KCNIP1: variants seen among roughly 807,000 people sequenced by gnomAD.
KCNIP1 encodes A-type potassium channel modulatory protein KCNIP1.
KCNIP1 carries 18 observed loss-of-function variants against 33.0 expected under a neutral mutation model. The observed-to-expected ratio is 0.55, with a 90% CI of 0.38 to 0.81. The LOEUF (loss-of-function observed/expected upper bound fraction) is 0.81, where lower values mean the gene tolerates loss of function less well. Ranked by LOEUF, KCNIP1 falls within the 30% of genes least tolerant of loss-of-function variation. The probability of loss-of-function intolerance (pLI) is 0.00; values close to 1 mark genes in which losing one functional copy is unlikely to be tolerated. For synonymous variants in KCNIP1, 93 were observed against 98.3 expected (o/e 0.95, Z 0.32); for missense variants, 238 against 271.6 (o/e 0.88, Z 0.87).
intron 1 of KCNIP1, among the ~76,000 whole-genome samples, chr5:170,622,117 G>A (rs894959744): frequency 1.6e-4 from 24 of 152,150 alleles, no homozygotes; most frequent in African/African-American, 5.1e-4. Context: ...TGCTTTGCAC[G>A]GTCCCTGGAG....
intron 1 of KCNIP1, among the ~76,000 whole-genome samples, chr5:170,639,921 A>C (rs868179803): frequency 2.6e-5 from 4 of 152,254 alleles, no homozygotes; most frequent in African/African-American, 9.6e-5. Flanking sequence ...AGTGGTGCCT[A>C]AAGGGCTGGT....
chr5:170,526,889 AT>A (rs1755595704), intron 1 of KCNIP1, among the ~76,000 whole-genome samples: 1 of 151,730 alleles, frequency 6.6e-6, no homozygotes, highest in South Asian at 2.1e-4. Flanking sequence ...CACCCGGCTA[AT>A]TTTTGTATTT....
intron 1 of KCNIP1, among the ~76,000 whole-genome samples, chr5:170,530,694 C>A (rs1239424203): frequency 2.0e-5 from 3 of 152,186 alleles, no homozygotes; most frequent in Non-Finnish European, 4.4e-5. Context: ...AGAGTTCCAG[C>A]CACGCTTGCA....
intron 1 of KCNIP1, among the ~76,000 whole-genome samples, chr5:170,440,937 G>A (rs55922349): frequency 0.041 from 6,240 of 152,190 alleles, 140 homozygotes; most frequent in Non-Finnish European, 0.06. Flanking sequence ...CTCTCCCCCT[G>A]GCCCAATGCC....
chr5:170,721,651 A>T, intron 3 of KCNIP1, 182 bp from the exon 4 acceptor site: 2 of 1,265,124 alleles, frequency 1.6e-6, no homozygotes, highest in Non-Finnish European at 1.1e-6. Context: ...ACTTTTTGCT[A>T]GATCTAACTT....
chr5:170,408,147 T>A (rs1487949033), intron 1 of KCNIP1, among the ~76,000 whole-genome samples: 1 of 152,200 alleles, frequency 6.6e-6, no homozygotes, highest in African/African-American at 2.4e-5. Flanking sequence ...GTTAATGTTA[T>A]CTTGAAATCC....
intron 1 of KCNIP1, among the ~76,000 whole-genome samples, chr5:170,356,539 T>C (rs994144202): frequency 1.3e-5 from 2 of 152,252 alleles, no homozygotes; most frequent in African/African-American, 4.8e-5. Flanking sequence ...AAACTGCTCA[T>C]GTCCACCTGC....
At chr5:170,616,291 T>C (rs1421294278) in intron 1 of KCNIP1, among the ~76,000 whole-genome samples, 1 of 130,384 alleles carries the variant, frequency 7.7e-6, no homozygotes, top group African/African-American at 3.0e-5. Flanking sequence ...TAGTCAACAA[T>C]GTTTTCTGAG....
chr5:170,612,661 G>A (rs565031547), intron 1 of KCNIP1, among the ~76,000 whole-genome samples: 28 of 152,312 alleles, frequency 1.8e-4, no homozygotes, highest in Admixed American at 1.2e-3. Context: ...GTGGAGTCCC[G>A]TTGTCATGGT....
intron 1 of KCNIP1, among the ~76,000 whole-genome samples, chr5:170,425,455 G>A (rs1467580301): frequency 6.6e-6 from 1 of 152,166 alleles, no homozygotes; most frequent in Non-Finnish European, 1.5e-5. Context: ...GCAGTCATGG[G>A]GGGAGGCAGA....
upstream of KCNIP1, among the ~76,000 whole-genome samples, chr5:170,500,301 A>T (rs1045640035): frequency 1.3e-5 from 2 of 152,176 alleles, no homozygotes; most frequent in Non-Finnish European, 2.9e-5. Flanking sequence ...GCTTCAACAC[A>T]GGGATTTTGG....
intron 1 of KCNIP1, among the ~76,000 whole-genome samples, chr5:170,712,613 C>T (rs1176273082): frequency 6.6e-6 from 1 of 152,246 alleles, no homozygotes; most frequent in Non-Finnish European, 1.5e-5. Context: ...TGGCTGAGGG[C>T]ATGTTCAATG....
intron 1 of KCNIP1, among the ~76,000 whole-genome samples, chr5:170,716,076 A>T (rs1302373923): frequency 6.6e-6 from 1 of 152,228 alleles, no homozygotes; most frequent in Non-Finnish European, 1.5e-5. Context: ...AGCGGCCAGC[A>T]CCACAAGGCA....
chr5:170,614,001 G>A (rs961617973), intron 1 of KCNIP1, among the ~76,000 whole-genome samples: 3 of 152,150 alleles, frequency 2.0e-5, no homozygotes, highest in African/African-American at 7.2e-5. Flanking sequence ...CTGGGGAGGT[G>A]ATGAAGTGAA....
chr5:170,708,809 G>A (rs1226562274), intron 1 of KCNIP1, among the ~76,000 whole-genome samples: 1 of 152,204 alleles, frequency 6.6e-6, no homozygotes, highest in Non-Finnish European at 1.5e-5. Flanking sequence ...TGAGGTGGGA[G>A]GATTGCTTGA....
At chr5:170,428,412 G>A (rs1336038315) in intron 1 of KCNIP1, among the ~76,000 whole-genome samples, 1 of 141,930 alleles carries the variant, frequency 7.0e-6, no homozygotes, top group Non-Finnish European at 1.5e-5. Context: ...CTAGATTTGG[G>A]CTTAATGCTG....
chr5:170,409,798 C>A (rs186318362), intron 1 of KCNIP1, among the ~76,000 whole-genome samples: 1 of 152,284 alleles, frequency 6.6e-6, no homozygotes, highest in East Asian at 1.9e-4. Context: ...GAGTTACATA[C>A]CCTCAGTGTG....
intron 1 of KCNIP1, among the ~76,000 whole-genome samples, chr5:170,606,932 A>G (rs1223918766): frequency 1.3e-5 from 2 of 152,184 alleles, no homozygotes; most frequent in Non-Finnish European, 1.5e-5. Flanking sequence ...GCTGGGGCCA[A>G]ACTAGCCAGT....
intron 1 of KCNIP1, among the ~76,000 whole-genome samples, chr5:170,361,917 G>A (rs1481594845): frequency 6.6e-6 from 1 of 152,180 alleles, no homozygotes; most frequent in Non-Finnish European, 1.5e-5. Context: ...TTGGGGGACG[G>A]GAGGCACAAA....
Sources: allele counts gnomAD v4.1 joint callset (sites outside exome capture counted in the v4.1 genomes callset), GRCh38; gene constraint gnomAD v4.1.1; transcripts MANE v1.5; gene names NCBI Gene and HGNC (gene_info 2026-07-23, HGNC 2026-07-21).